Variants in CSTF3 observed in about 807,000 individuals in gnomAD.
CSTF3 encodes cleavage stimulation factor subunit 3.
Under a neutral mutation model 105.8 loss-of-function variants are expected in CSTF3, and 29 were observed. The observed-to-expected ratio is 0.27, with a 90% CI of 0.20 to 0.37. The LOEUF is 0.37. Ranked by LOEUF, CSTF3 falls within the 10% of genes least tolerant of loss-of-function variation. CSTF3 has a pLI of 1.00. For missense variants in CSTF3, 357 were observed against 879.3 expected (o/e 0.41, Z 7.51); for synonymous variants, 252 against 281.9 (o/e 0.89, Z 1.06).
chr11:33,084,915 TA>T lies in CSTF3; in HGVS notation c.*171del. The T allele has an allele frequency of 2.7e-6, 2 of 728,614 alleles. No individual in the cohort carries two copies. Among genetic ancestry groups the T allele is most frequent in the Non-Finnish European group, 2.3e-6 (1 of 436,496 alleles). 45.1% of individuals were successfully genotyped at this position (728,614 alleles called of 1,614,324 possible). On this transcript the variant is annotated 3_prime_UTR_variant, in exon 21 of 21. Coordinates refer to ENST00000323959, the MANE Select transcript of CSTF3 (RefSeq NM_001326.3). ...TAGAGCATAGGTCTGTTCCGTATTCTAAAATTCACACAGGTTGGTTTGTTTT... is the reference window on the plus strand; with the variant it reads ...TAGAGCATAGGTCTGTTCCGTATTCTAAATTCACACAGGTTGGTTTGTTTT...
At chr11:33,153,175 G>T in intron 1 of CSTF3, among the ~76,000 whole-genome samples, 1 of 151,440 alleles carries the variant, frequency 6.6e-6, no homozygotes. Flanking sequence ...TAAATGTCTG[G>T]CTGAATAGAA....
At position 33,101,632 on chromosome 11, in the gene CSTF3, A is replaced by T. The variant is rs182490876; in HGVS notation, c.826+545T>A. On this transcript the variant is annotated intron_variant, in intron 10 of 20. Coordinates refer to ENST00000323959, the MANE Select transcript of CSTF3 (RefSeq NM_001326.3). ...AAAATAAAACATTCTTCAGAGGAAG[A>T]TGACAGAATCTACAGTCTTTACAAT... Among the ~76,000 whole-genome samples the T allele has an allele frequency of 1.4e-4, 21 of 152,364 alleles. No individual in the cohort carries two copies. In the East Asian group the frequency reaches 3.7e-3, roughly 27 times the overall value.
At chr11:33,147,138 C>G (rs1370599488) in intron 1 of CSTF3, among the ~76,000 whole-genome samples, 6 of 151,410 alleles carry the variant, frequency 4.0e-5, no homozygotes, top group Non-Finnish European at 7.4e-5. Flanking sequence ...CAAAACAAAA[C>G]AAAAACAACT....
rs147624640 is a variant in CSTF3, at chr11:33,087,106, C to T, written c.1677G>A (p.Pro559=). ...CTATAGAAGGAGCTACAACTGGGTCCGGAATTATAGCTGCTAGCTTAGCAC... is the reference window on the plus strand; with the variant it reads ...CTATAGAAGGAGCTACAACTGGGTCTGGAATTATAGCTGCTAGCTTAGCAC... The part of the protein sequence containing the change: ...VSRAKLAAII[P]DPVVAPSIVP... The change falls in exon 18 of 21, where the codon CCG becomes CCA. Residue 559 remains proline (P), a synonymous_variant. Coordinates refer to ENST00000323959, the MANE Select transcript of CSTF3 (RefSeq NM_001326.3). 30 of 1,613,886 alleles carry T rather than the reference C, an allele frequency of 1.9e-5. No individual in the cohort carries two copies. The East Asian group carries it at 2.2e-4, about 12-fold the overall frequency.
At chr11:33,108,475 A>C (rs1565006949) in intron 3 of CSTF3, 57 bp from the exon 4 acceptor site, 19 of 1,306,678 alleles carry the variant, frequency 1.5e-5, no homozygotes, top group Non-Finnish European at 1.9e-5. Context: ...CATCAGTCTG[A>C]ATTTTTGACC....
At chr11:33,110,881 T>C (rs1855372196) in intron 3 of CSTF3, among the ~76,000 whole-genome samples, 1 of 149,414 alleles carries the variant, frequency 6.7e-6, no homozygotes, top group Admixed American at 6.7e-5. Flanking sequence ...GCTATTCTAA[T>C]AAAAAAAAAA....
chr11:33,120,711 T>C (rs371427158), intron 3 of CSTF3, among the ~76,000 whole-genome samples: 6 of 151,928 alleles, frequency 3.9e-5, no homozygotes, highest in East Asian at 3.8e-4. Context: ...GCCTAACATA[T>C]AGCAGACATT....
intron 12 of CSTF3, 34 bp downstream of exon 12, chr11:33,099,000 G>T: frequency 6.5e-7 from 1 of 1,546,802 alleles, no homozygotes; most frequent in South Asian, 1.3e-5. Context: ...CTAAAAAATT[G>T]AATTATAAGA....
chr11:33,152,857 G>C (rs11032175), intron 1 of CSTF3, among the ~76,000 whole-genome samples: 84,341 of 151,622 alleles, frequency 0.56, 26,059 homozygotes, highest in Non-Finnish European at 0.69. Flanking sequence ...ACTTGGGAAG[G>C]TGAGGCAGGA....
At chr11:33,088,283 TACTC>T (rs1855128532) in intron 17 of CSTF3, among the ~76,000 whole-genome samples, 3 of 148,244 alleles carry the variant, frequency 2.0e-5, no homozygotes, top group Admixed American at 6.6e-5. Flanking sequence ...CCTGAATACT[TACTC>T]TCTTTTTTTT....
intron 16 of CSTF3, among the ~76,000 whole-genome samples, chr11:33,091,565 G>A (rs183118174): frequency 5.9e-5 from 9 of 152,220 alleles, no homozygotes; most frequent in African/African-American, 1.9e-4. Flanking sequence ...AAACTAACAC[G>A]AGACAAAACC....
At chr11:33,120,981 T>TGAA (rs1855480979) in intron 3 of CSTF3, among the ~76,000 whole-genome samples, 1 of 152,040 alleles carries the variant, frequency 6.6e-6, no homozygotes, top group African/African-American at 2.4e-5. Context: ...GAGGAATAAT[T>TGAA]GAAGCTCTAA....
intron 3 of CSTF3, among the ~76,000 whole-genome samples, chr11:33,135,537 A>G (rs1855644509): frequency 6.6e-6 from 1 of 152,134 alleles, no homozygotes; most frequent in Non-Finnish European, 1.5e-5. Context: ...AAGTGATTCT[A>G]AAGCAGTGAA....
chr11:33,142,009 AAC>A, intron 1 of CSTF3, 23 bp from the exon 2 acceptor site: 1 of 1,613,424 alleles, frequency 6.2e-7, no homozygotes, highest in Non-Finnish European at 8.5e-7. Flanking sequence ...AACAACAGTG[AAC>A]TAAAGTTACT....
At chr11:33,110,750 T>G (rs111597430) in intron 3 of CSTF3, among the ~76,000 whole-genome samples, 2 of 152,132 alleles carry the variant, frequency 1.3e-5, no homozygotes, top group Non-Finnish European at 2.9e-5. Context: ...TAAAAACCAT[T>G]AGAATGGCAA....
intron 3 of CSTF3, chr11:33,134,528 A>T (rs1478017293): frequency 6.6e-6 from 1 of 152,200 alleles, no homozygotes; most frequent in East Asian, 1.9e-4. Flanking sequence ...CTTCCCTCCA[A>T]TGACACTGCA....
intron 10 of CSTF3, among the ~76,000 whole-genome samples, chr11:33,100,276 AC>A (rs1855268210): frequency 1.3e-5 from 2 of 149,962 alleles, no homozygotes; most frequent in African/African-American, 4.9e-5. Flanking sequence ...AATGGCATGA[AC>A]CCGGGAGGCA....
At chr11:33,136,439 G>A (rs1449481917) in intron 3 of CSTF3, among the ~76,000 whole-genome samples, 1 of 152,102 alleles carries the variant, frequency 6.6e-6, no homozygotes, top group East Asian at 1.9e-4. Context: ...TTTTACAGAT[G>A]TCACTGGTAA....
At chr11:33,137,671 T>A (rs1270638105) in intron 3 of CSTF3, among the ~76,000 whole-genome samples, 3 of 151,792 alleles carry the variant, frequency 2.0e-5, no homozygotes, top group Non-Finnish European at 4.4e-5. Flanking sequence ...TAAAAAAGCA[T>A]ATTGAGTTTT....
Sources: gnomAD v4.1 joint callset for allele counts (sites outside exome capture counted in the v4.1 genomes callset) on GRCh38, gnomAD v4.1.1 for gene constraint, MANE v1.5 for transcripts, NCBI Gene and HGNC (gene_info 2026-07-23, HGNC 2026-07-21) for gene names.